Variants in COX10 observed in about 807,000 individuals in gnomAD.
The protein encoded by COX10 is cytochrome c oxidase assembly factor heme A:farnesyltransferase COX10, also known as protoheme IX farnesyltransferase, mitochondrial.
Under a neutral mutation model 37.3 loss-of-function variants are expected in COX10, and 27 were observed. The observed-to-expected ratio is 0.72, with a 90% CI of 0.53 to 1.00. The LOEUF is 1.00. Ranked by LOEUF, COX10 falls within the 50% of genes least tolerant of loss-of-function variation. COX10 has a pLI of 0.00. For synonymous variants in COX10, 222 were observed against 229.1 expected (o/e 0.97, Z 0.28); for missense variants, 475 against 563.2 (o/e 0.84, Z 1.59).
rs753594584 is a variant in COX10 at position 14,191,991 on chromosome 17, C to T, written c.698C>T (p.Pro233Leu). 6.2e-6 allele frequency: 10 copies of T among 1,613,728 alleles called. No individual in the cohort carries two copies. The highest frequency in any genetic ancestry group is 1.7e-5 in the Admixed American group (1 of 59,988). Residue 233 changes from proline (P) to leucine (L), a missense_variant and splice_region_variant, in exon 6 of 7, where the codon CCA (proline) becomes CTA (leucine). Coordinates refer to ENST00000261643, the MANE Select transcript of COX10 (RefSeq NM_001303.4). ...CAGGTTCTCTGCTCTTTTTCCAGCC[C>T]ATTGCTAGCTGTGTCCTTTGCCACT... ...NRPLVRGQIS[P>L]LLAVSFATCC... is the part of the protein sequence containing the mutation.
At chr17:14,118,810 G>T (rs1859081288) in intron 4 of COX10, among the ~76,000 whole-genome samples, 1 of 149,194 alleles carries the variant, frequency 6.7e-6, no homozygotes, top group African/African-American at 2.5e-5. Flanking sequence ...AGATTTTTTA[G>T]TTTCTTTAAA....
At chr17:14,100,740 G>A (rs1319069481) in intron 3 of COX10, among the ~76,000 whole-genome samples, 1 of 152,232 alleles carries the variant, frequency 6.6e-6, no homozygotes, top group African/African-American at 2.4e-5. Context: ...GTTCAAAGCA[G>A]CGATGTGATT....
chr17:14,172,001 T>C (rs1905484880), intron 5 of COX10, among the ~76,000 whole-genome samples: 1 of 152,220 alleles, frequency 6.6e-6, no homozygotes, highest in South Asian at 2.1e-4. Flanking sequence ...CTGGAATCTG[T>C]GCCCTCTCAC....
chr17:14,124,312 A>AT (rs1916289115), intron 4 of COX10, among the ~76,000 whole-genome samples: 1 of 152,180 alleles, frequency 6.6e-6, no homozygotes, highest in South Asian at 2.1e-4. Context: ...CTTTATTGCC[A>AT]TTTTATCAAA....
At chr17:14,181,906 G>T (rs1419485357) in intron 5 of COX10, 1 of 724,240 alleles carries the variant, frequency 1.4e-6, no homozygotes, top group Non-Finnish European at 1.7e-6. Flanking sequence ...AGATGAATTG[G>T]TGTAGCATAA....
chr17:14,091,452 A>G lies in COX10; in HGVS notation c.500-10666A>G, dbSNP rs896449702. ...AGTATTTCTAAAAGATTCTTGCTAG[A>G]AAGCTCTTTTGAATGCTTAGAATAA... On this transcript the variant is annotated intron_variant, in intron 3 of 6. Coordinates refer to ENST00000261643, the MANE Select transcript of COX10 (RefSeq NM_001303.4). Among the ~76,000 whole-genome samples, 8 of 152,242 alleles carry G rather than the reference A, an allele frequency of 5.3e-5. 2 individuals are homozygous for G. The South Asian group carries it at 1.2e-3, about 24-fold the overall frequency.
intron 5 of COX10, among the ~76,000 whole-genome samples, chr17:14,181,661 C>A (rs1477049474): frequency 2.0e-5 from 3 of 152,178 alleles, no homozygotes; most frequent in Admixed American, 6.5e-5. Context: ...ATTCAACTAT[C>A]TGGCTCAGTC....
At chr17:14,133,094 A>G (rs773820966) in intron 4 of COX10, among the ~76,000 whole-genome samples, 5 of 151,734 alleles carry the variant, frequency 3.3e-5, no homozygotes, top group Non-Finnish European at 5.9e-5. Context: ...GGAACCAGGT[A>G]AATCTTGGCT....
At chr17:14,180,058 T>A (rs1422756402) in intron 5 of COX10, among the ~76,000 whole-genome samples, 1 of 152,178 alleles carries the variant, frequency 6.6e-6, no homozygotes, top group Non-Finnish European at 1.5e-5. Flanking sequence ...TTTTTCAAAT[T>A]TACTGAGGGT....
At chr17:14,179,739 A>G (rs2856149) in intron 5 of COX10, among the ~76,000 whole-genome samples, 87,216 of 149,676 alleles carry the variant, frequency 0.58, 25,922 homozygotes, top group East Asian at 0.72. Flanking sequence ...CCAGCTTGGT[A>G]ACGCTGACAG....
At chr17:14,149,515 C>G (rs1263067553) in intron 4 of COX10, among the ~76,000 whole-genome samples, 4 of 152,304 alleles carry the variant, frequency 2.6e-5, no homozygotes, top group Admixed American at 2.6e-4. Flanking sequence ...CCAGCACCCT[C>G]CCCGTGCTCA....
At chr17:14,082,340 G>A (rs1165624697) in intron 3 of COX10, among the ~76,000 whole-genome samples, 7 of 152,176 alleles carry the variant, frequency 4.6e-5, no homozygotes, top group Non-Finnish European at 1.0e-4. Context: ...AGCCTGGCTC[G>A]TGAGAGTCAT....
In COX10 at chr17:14,208,232, AGG is replaced by A. The variant is rs1276209506; in HGVS notation, c.*1021_*1022del. ...TGCAATGGCTTTAAGAGCCAGAAGCAGGGTTCTGGGAATTTTGCAAGTTATCC... is the reference window on the plus strand; with the variant it reads ...TGCAATGGCTTTAAGAGCCAGAAGCAGTTCTGGGAATTTTGCAAGTTATCC... On this transcript the variant is annotated 3_prime_UTR_variant, in exon 7 of 7. Transcript: ENST00000261643. 2.6e-5 allele frequency: 4 copies of A among 152,276 alleles called. No homozygotes were observed. The highest frequency in any genetic ancestry group is 1.5e-5 in the Non-Finnish European group (1 of 68,058). The allele number at this position is 152,276 out of a possible 1,614,324, so 9.4% of individuals were successfully genotyped here.
At chr17:14,142,551 C>T (rs1196846545) in intron 4 of COX10, among the ~76,000 whole-genome samples, 1 of 152,160 alleles carries the variant, frequency 6.6e-6, no homozygotes, top group East Asian at 1.9e-4. Context: ...AATAAATTCC[C>T]TTTATGCCAT....
chr17:14,191,187 T>C (rs557803866), intron 5 of COX10, among the ~76,000 whole-genome samples: 1 of 152,192 alleles, frequency 6.6e-6, no homozygotes, highest in South Asian at 2.1e-4. Context: ...CAAGATTCTA[T>C]ACAAAGTCTA....
chr17:14,201,340 G>A (rs1906534247), intron 6 of COX10, among the ~76,000 whole-genome samples: 1 of 152,132 alleles, frequency 6.6e-6, no homozygotes, highest in Non-Finnish European at 1.5e-5. Context: ...ATCAAGTAAA[G>A]CCGTGTGTGG....
At chr17:14,194,706 T>C (rs1435130260) in intron 6 of COX10, among the ~76,000 whole-genome samples, 1 of 152,218 alleles carries the variant, frequency 6.6e-6, no homozygotes, top group African/African-American at 2.4e-5. Flanking sequence ...ATTACAGGCG[T>C]GAGCCACCGC....
chr17:14,201,471 A>C (rs1906540173), intron 6 of COX10, among the ~76,000 whole-genome samples: 1 of 152,226 alleles, frequency 6.6e-6, no homozygotes, highest in Non-Finnish European at 1.5e-5. Context: ...TGCTACTCTC[A>C]GGAAAATGAT....
chr17:14,090,830 T>C (rs1915511978), intron 3 of COX10, among the ~76,000 whole-genome samples: 1 of 152,174 alleles, frequency 6.6e-6, no homozygotes, highest in Admixed American at 6.6e-5. Flanking sequence ...CTGTTCACTT[T>C]TCTGAATCTT....
Sources: allele counts gnomAD v4.1 joint callset (sites outside exome capture counted in the v4.1 genomes callset), GRCh38; gene constraint gnomAD v4.1.1; transcripts MANE v1.5; gene names NCBI Gene and HGNC (gene_info 2026-07-23, HGNC 2026-07-21).